Variants in XPC observed in about 807,000 individuals in gnomAD.
The protein encoded by XPC is XPC complex subunit, DNA damage recognition and repair factor.
XPC carries 76 observed loss-of-function variants against 95.8 expected under a neutral mutation model. The ratio of observed to expected loss-of-function variants is 0.79; its 90% CI spans 0.66 to 0.96. XPC has a LOEUF of 0.96. Among genes scored for constraint, XPC ranks in the 40% least tolerant of loss-of-function variants. The probability of loss-of-function intolerance (pLI) is 0.00; values close to 1 mark genes in which losing one functional copy is unlikely to be tolerated. For missense variants in XPC, 1,146 were observed against 1,179.8 expected (o/e 0.97, Z 0.42); for synonymous variants, 442 against 442.1 (o/e 1.00, Z 0.00).
At chr3:14,152,496 C>T (rs1695735286) in intron 10 of XPC, 80 bp from the exon 11 acceptor site, 2 of 1,362,796 alleles carry the variant, frequency 1.5e-6, no homozygotes, top group Non-Finnish European at 2.0e-6. Flanking sequence ...AGAGCGCAGC[C>T]CTGCAGGCTC....
At position 14,167,929 on chromosome 3, in the gene XPC, G is replaced by A. The variant is rs3731095; in HGVS notation, c.536+328C>T. Among the ~76,000 whole-genome samples, 1,790 of 152,280 alleles carry A rather than the reference G, an allele frequency of 0.012. 17 individuals carry two copies. Among genetic ancestry groups the A allele is most frequent in the Non-Finnish European group, 0.02 (1,377 of 68,018 alleles). On this transcript the variant is annotated intron_variant, in intron 4 of 15. Coordinates refer to ENST00000285021, the MANE Select transcript of XPC (RefSeq NM_004628.5). Reference sequence around the variant, plus strand: ...TTAGGTCTCAGCTCTTCCATTACTGGCTGAGTGACTCTTGAAACGTTACTT... The same window carrying A: ...TTAGGTCTCAGCTCTTCCATTACTGACTGAGTGACTCTTGAAACGTTACTT...
chr3:14,156,269 A>C (rs896357413), intron 10 of XPC, 66 bp downstream of exon 10: 14 of 1,543,202 alleles, frequency 9.1e-6, no homozygotes, highest in Non-Finnish European at 1.2e-5. Context: ...ACCCTTGCCT[A>C]GGAAGAAGGC....
intron 1 of XPC, among the ~76,000 whole-genome samples, chr3:14,176,486 C>T (rs1696820648): frequency 6.6e-6 from 1 of 152,216 alleles, no homozygotes; most frequent in African/African-American, 2.4e-5. Flanking sequence ...GTCATGTCAA[C>T]ACTACTCTAT....
At chr3:14,156,117 T>C (rs1695892968) in intron 10 of XPC, among the ~76,000 whole-genome samples, 2 of 152,204 alleles carry the variant, frequency 1.3e-5, no homozygotes, top group African/African-American at 4.8e-5. Flanking sequence ...TTATTTTCCC[T>C]GTAACTGTTT....
chr3:14,146,209 A>G (rs1213268763), intron 15 of XPC, 50 bp from the exon 16 acceptor site: 14 of 1,526,486 alleles, frequency 9.2e-6, no homozygotes, highest in Non-Finnish European at 1.1e-5. Context: ...TAGTAATCAG[A>G]TACCAGGAAG....
intron 3 of XPC, 30 bp downstream of exon 3, chr3:14,170,408 C>T (rs372268048): frequency 1.3e-6 from 2 of 1,591,974 alleles, no homozygotes; most frequent in Non-Finnish European, 1.7e-6. Flanking sequence ...CAGAACCAAA[C>T]AGTTCTGAAA....
intron 3 of XPC, 79 bp from the exon 4 acceptor site, chr3:14,168,459 T>C: frequency 3.2e-6 from 5 of 1,560,374 alleles, no homozygotes; most frequent in Non-Finnish European, 4.4e-6. Flanking sequence ...ATCAAGGTTC[T>C]GCTGGGAAGG....
chr3:14,146,219 G>T, intron 15 of XPC, 60 bp from the exon 16 acceptor site: 1 of 1,487,050 alleles, frequency 6.7e-7, no homozygotes, highest in Non-Finnish European at 9.1e-7. Context: ...ATACCAGGAA[G>T]CCCCATGAAG....
At chr3:14,167,449 G>A (rs1696429514) in intron 4 of XPC, among the ~76,000 whole-genome samples, 196 bp from the exon 5 acceptor site, 1 of 152,008 alleles carries the variant, frequency 6.6e-6, no homozygotes, top group East Asian at 1.9e-4. Context: ...AGCAAACCTC[G>A]GCCTGGGACA....
chr3:14,158,356 T>C lies in XPC; in HGVS notation c.1527A>G (p.Arg509=). 1 of 1,613,986 alleles carries C rather than the reference T, an allele frequency of 6.2e-7. No individual in the cohort carries two copies. The highest frequency in any genetic ancestry group is 1.3e-5 in the African/African-American group (1 of 75,050). The stretch of plus-strand genomic sequence containing the variant: ...CACCATCGCTGCACATTTTCTTGCC[T>C]CTTTTACTGCTTGAAGAGCTTGAGG... ...AASSSSSSSK[R]GKKMCSDGEK... is the part of the protein sequence containing the mutation. Residue 509 remains arginine (R), a synonymous_variant, in exon 9 of 16, where the codon AGA becomes AGG. Coordinates refer to ENST00000285021, the MANE Select transcript of XPC (RefSeq NM_004628.5). The surrounding 1 kb of genome is among the most constrained non-coding windows in gnomAD (Gnocchi z 5.2).
chr3:14,158,148 G>A lies in XPC; in HGVS notation c.1735C>T (p.Arg579Ter), dbSNP rs121965088. 6.8e-6 allele frequency: 11 copies of A among 1,613,826 alleles called. No homozygotes were observed. Among genetic ancestry groups the A allele is most frequent in the East Asian group, 4.5e-5 (2 of 44,864 alleles). The change falls in exon 9 of 16, where the codon CGA (arginine) becomes TGA (stop). Residue 579 changes from arginine to a stop codon, truncating the protein, a stop_gained. Coordinates refer to ENST00000285021, the MANE Select transcript of XPC (RefSeq NM_004628.5). LOFTEE classifies it high-confidence loss of function. The surrounding 1 kb of genome is among the most constrained non-coding windows in gnomAD (Gnocchi z 5.2). ...GGGTCGTACCTCTGTGTGACATCTC[G>A]GACCCAGCCGTCACTGTCAATGCCC... ...VVGIDSDGWV[R>*]DVTQRYDPVW...
intron 10 of XPC, among the ~76,000 whole-genome samples, chr3:14,153,950 T>C (rs1695799111): frequency 6.6e-6 from 1 of 152,192 alleles, no homozygotes; most frequent in Non-Finnish European, 1.5e-5. Flanking sequence ...GAGGAGTGAT[T>C]ATGTCATGGT....
At chr3:14,169,373 A>C (rs370134723) in intron 3 of XPC, among the ~76,000 whole-genome samples, 4 of 152,262 alleles carry the variant, frequency 2.6e-5, no homozygotes, top group African/African-American at 9.6e-5. Context: ...AACAAGTTTA[A>C]CACCACCATG....
Position 14,145,287 on chromosome 3 carries a change from C to T in XPC, c.*654G>A. On this transcript the variant is annotated 3_prime_UTR_variant, in exon 16 of 16. Transcript: ENST00000285021. Reference sequence around the variant, plus strand: ...ATTTTACTAACATTTCCTTAATTTTCAATTCGTATTTTTCCTTTTCTTTCC... The same window carrying T: ...ATTTTACTAACATTTCCTTAATTTTTAATTCGTATTTTTCCTTTTCTTTCC... 2.9e-6 allele frequency: 2 copies of T among 696,340 alleles called. No homozygotes were observed. Among genetic ancestry groups the T allele is most frequent in the Non-Finnish European group, 5.2e-6 (2 of 382,886 alleles). 43.1% of individuals were successfully genotyped at this position (696,340 alleles called of 1,614,324 possible).
chr3:14,161,868 T>C (rs1696180115), intron 7 of XPC, among the ~76,000 whole-genome samples: 1 of 151,956 alleles, frequency 6.6e-6, no homozygotes, highest in African/African-American at 2.4e-5. Context: ...TAAAATGATC[T>C]ACTCATAGAT....
At chr3:14,169,994 A>G (rs1240227752) in intron 3 of XPC, among the ~76,000 whole-genome samples, 1 of 152,236 alleles carries the variant, frequency 6.6e-6, no homozygotes, top group Non-Finnish European at 1.5e-5. Flanking sequence ...CAATAATCCT[A>G]CAGCCTATAC....
At chr3:14,146,243 C>G (rs1695431900) in intron 15 of XPC, 84 bp from the exon 16 acceptor site, 2 of 1,266,984 alleles carry the variant, frequency 1.6e-6, no homozygotes, top group Admixed American at 4.0e-5. Flanking sequence ...CAGCAAGTTC[C>G]CAGCCTGCCC....
chr3:14,173,357 C>T (rs986613586), intron 1 of XPC, among the ~76,000 whole-genome samples: 2 of 152,234 alleles, frequency 1.3e-5, no homozygotes, highest in African/African-American at 4.8e-5. Context: ...TGTCAGCTAA[C>T]CTCCTGCCAG....
At chr3:14,167,540 A>G (rs182323711) in intron 4 of XPC, among the ~76,000 whole-genome samples, 37 of 152,274 alleles carry the variant, frequency 2.4e-4, no homozygotes, top group African/African-American at 8.2e-4. Context: ...TTCTTCCAGG[A>G]AGTCTTCTCT....
Sources: gnomAD v4.1 joint callset for allele counts (sites outside exome capture counted in the v4.1 genomes callset) on GRCh38, gnomAD v4.1.1 for gene constraint, Gnocchi (gnomAD v3.1) non-coding constraint, MANE v1.5 for transcripts, NCBI Gene and HGNC (gene_info 2026-07-23, HGNC 2026-07-21) for gene names.